Variants in KCNQ1OT1 observed in about 807,000 individuals in gnomAD.
KCNQ1OT1 encodes the protein KCNQ1 opposite strand/antisense transcript 1, also known as KCNQ1 antisense RNA 2 (non-protein coding).
chr11:2,649,107 A>G, exon 1 of KCNQ1OT1: 1 of 395,008 alleles, frequency 2.5e-6, no homozygotes, highest in Non-Finnish European at 4.4e-6. Context: ...GTGTCTTTAC[A>G]GGTGAAGTCA....
In KCNQ1OT1 at chr11:2,695,492, A is replaced by G. The variant is rs1323261397; in HGVS notation, n.4503T>C. ...CGCGTCTCTATCTTGTGAAGTGTAC[A>G]TCTAGTCCCCTGCTCCTAACCACAG... is the stretch of plus-strand genomic sequence containing the variant. On this transcript the variant is annotated non_coding_transcript_exon_variant, in exon 1 of 1. Transcript: ENST00000597346. The surrounding 1 kb of genome is among the most constrained non-coding windows in gnomAD (Gnocchi z 5.2). The G allele has an allele frequency of 5.0e-6, 2 of 398,520 alleles. No homozygotes were observed. The highest frequency in any genetic ancestry group is 4.4e-5 in the Admixed American group (1 of 22,712). The allele number at this position is 398,520 out of a possible 1,614,324, so 24.7% of individuals were successfully genotyped here.
In KCNQ1OT1 at chr11:2,652,660, G is replaced by C; in HGVS notation, n.47335C>G. 2.5e-6 allele frequency: 1 copy of C among 398,748 alleles called. No homozygotes were observed. Among genetic ancestry groups the C allele is most frequent in the Non-Finnish European group, 4.4e-6 (1 of 226,200 alleles). 24.7% of individuals were successfully genotyped at this position (398,748 alleles called of 1,614,324 possible). ...GTGACTTCCTGCAGCATGGAGACCC[G>C]GGTGGGTCGATTTTAGTTGTGTGGG... On this transcript the variant is annotated non_coding_transcript_exon_variant, in exon 1 of 1. Transcript: ENST00000597346. This position sits in a 1 kb window ranked among gnomAD's most constrained non-coding sequence, Gnocchi z 5.9.
exon 1 of KCNQ1OT1, chr11:2,689,156 G>A (rs1020850497): frequency 2.5e-6 from 1 of 398,746 alleles, no homozygotes; most frequent in Non-Finnish European, 4.4e-6. Flanking sequence ...GCTACAGGTG[G>A]CTCAAGGGCC....
At position 2,695,795 on chromosome 11, in the gene KCNQ1OT1, G is replaced by A. The variant is rs766755851; in HGVS notation, n.4200C>T. On this transcript the variant is annotated non_coding_transcript_exon_variant, in exon 1 of 1. Coordinates refer to ENST00000597346, the Ensembl canonical transcript of KCNQ1OT1. The surrounding 1 kb of genome is among the most constrained non-coding windows in gnomAD (Gnocchi z 5.2). ...TCCTACTTTCTAATGCTTCTCCTAT[G>A]AAGAATAGCTGTTGCTTTCATTTAC... 2.5e-6 allele frequency: 1 copy of A among 398,630 alleles called. No homozygotes were observed. The highest frequency in any genetic ancestry group is 4.4e-6 in the Non-Finnish European group (1 of 226,074). The allele number at this position is 398,630 out of a possible 1,614,324, so 24.7% of individuals were successfully genotyped here.
chr11:2,677,888 C>G lies in KCNQ1OT1; in HGVS notation n.22107G>C, dbSNP rs932082985. The stretch of plus-strand genomic sequence containing the variant: ...ACTGCACAAATGCACTTTCTTCCCC[C>G]ACCCTTACCAAGTGTATACTCAGGT... On this transcript the variant is annotated non_coding_transcript_exon_variant, in exon 1 of 1. Transcript: ENST00000597346. This position sits in a 1 kb window ranked among gnomAD's most constrained non-coding sequence, Gnocchi z 4.5. 15 of 398,438 alleles carry G rather than the reference C, an allele frequency of 3.8e-5. No individual in the cohort carries two copies. Among genetic ancestry groups the G allele is most frequent in the South Asian group, 1.3e-4 (1 of 7,858 alleles). The allele number at this position is 398,438 out of a possible 1,614,324, so 24.7% of individuals were successfully genotyped here. A position where few individuals can be genotyped will look rare whatever the true frequency, so the allele number is the denominator to read the frequency against.
chr11:2,655,882 C>T (rs1187729271), exon 1 of KCNQ1OT1: 3 of 398,630 alleles, frequency 7.5e-6, no homozygotes, highest in African/African-American at 2.1e-5. Flanking sequence ...GCCTTCTCTG[C>T]CCCTTGTTAT....
Position 2,624,198 on chromosome 11 carries a change from G to A in KCNQ1OT1, n.75797C>T, listed in dbSNP as rs1194997189. On this transcript the variant is annotated non_coding_transcript_exon_variant, in exon 1 of 1. Coordinates refer to ENST00000597346, the Ensembl canonical transcript of KCNQ1OT1. This position sits in a 1 kb window ranked among gnomAD's most constrained non-coding sequence, Gnocchi z 4.9. ...TGTGGGGCATCTTTTCATATACTTA[G>A]TTGCCATCTGTATATCTTCATTGGT... 1 of 398,310 alleles carries A rather than the reference G, an allele frequency of 2.5e-6. No homozygotes were observed. Among genetic ancestry groups the A allele is most frequent in the African/African-American group, 2.1e-5 (1 of 48,548 alleles). The allele number at this position is 398,310 out of a possible 1,614,324, so 24.7% of individuals were successfully genotyped here. A position where few individuals can be genotyped will look rare whatever the true frequency, so the allele number is the denominator to read the frequency against.
exon 1 of KCNQ1OT1, chr11:2,628,027 C>G: frequency 1.0e-5 from 4 of 398,672 alleles, no homozygotes; most frequent in Admixed American, 4.4e-5. Context: ...ACTGGGATTA[C>G]AGGTACAAGC....
chr11:2,641,131 G>T, exon 1 of KCNQ1OT1: 1 of 398,402 alleles, frequency 2.5e-6, no homozygotes, highest in South Asian at 1.3e-4. Context: ...ATAAACACGG[G>T]GATGCAGGTA....
Position 2,673,659 on chromosome 11 carries a change from G to T in KCNQ1OT1, n.26336C>A, listed in dbSNP as rs1463250612. 2 of 398,638 alleles carry T rather than the reference G, an allele frequency of 5.0e-6. No homozygotes were observed. The highest frequency in any genetic ancestry group is 8.8e-6 in the Non-Finnish European group (2 of 226,166). 24.7% of individuals were successfully genotyped at this position (398,638 alleles called of 1,614,324 possible). On this transcript the variant is annotated non_coding_transcript_exon_variant, in exon 1 of 1. Coordinates refer to ENST00000597346, the Ensembl canonical transcript of KCNQ1OT1. The surrounding 1 kb of genome is among the most constrained non-coding windows in gnomAD (Gnocchi z 4.5). The stretch of plus-strand genomic sequence containing the variant: ...ATGACCACCCTGACTCATGTCCCTT[G>T]TCTGCATAGGTGTTTTCCTATAAAT...
At chr11:2,662,839 T>C (rs1384258149) in exon 1 of KCNQ1OT1, 19 of 398,848 alleles carry the variant, frequency 4.8e-5, no homozygotes, top group Non-Finnish European at 1.3e-5. Context: ...GGGTCACTTG[T>C]GGAAACTCTC....
exon 1 of KCNQ1OT1, chr11:2,644,308 A>G (rs1849631141): frequency 2.5e-6 from 1 of 398,224 alleles, no homozygotes; most frequent in Non-Finnish European, 4.4e-6. Flanking sequence ...GAGTCATTTC[A>G]AAAGACTTAT....
Position 2,645,848 on chromosome 11 carries a change from ATG to A in KCNQ1OT1, n.54145_54146del. ...CTGAAGTTGCCTGAGGATTCAGGGG[ATG>A]TGTGAATTGCCTGAGGATTCAGGGT... On this transcript the variant is annotated non_coding_transcript_exon_variant, in exon 1 of 1. Transcript: ENST00000597346. This position sits in a 1 kb window ranked among gnomAD's most constrained non-coding sequence, Gnocchi z 5.8. 2.5e-6 allele frequency: 1 copy of A among 398,518 alleles called. No homozygotes were observed. Among genetic ancestry groups the A allele is most frequent in the Non-Finnish European group, 4.4e-6 (1 of 226,114 alleles). The allele number at this position is 398,518 out of a possible 1,614,324, so 24.7% of individuals were successfully genotyped here. A position where few individuals can be genotyped will look rare whatever the true frequency, so the allele number is the denominator to read the frequency against.
exon 1 of KCNQ1OT1, chr11:2,686,031 C>A (rs960322170): frequency 5.0e-6 from 2 of 399,098 alleles, no homozygotes; most frequent in Non-Finnish European, 8.8e-6. Flanking sequence ...CTAAGCCCCG[C>A]CAGCTCGCAC....
rs1414667070 is a variant in KCNQ1OT1, at chr11:2,674,395, G to A, written n.25600C>T. ...TCCTGCTTAGGGAAGGTGCATGCGT[G>A]CGTGTGTGTGTGCGCGCCCGCGCGC... On this transcript the variant is annotated non_coding_transcript_exon_variant, in exon 1 of 1. Coordinates refer to ENST00000597346, the Ensembl canonical transcript of KCNQ1OT1. This position sits in a 1 kb window ranked among gnomAD's most constrained non-coding sequence, Gnocchi z 5.9. 1 of 398,498 alleles carries A rather than the reference G, an allele frequency of 2.5e-6. No individual in the cohort carries two copies. Among genetic ancestry groups the A allele is most frequent in the African/African-American group, 2.1e-5 (1 of 48,618 alleles). The allele number at this position is 398,498 out of a possible 1,614,324, so 24.7% of individuals were successfully genotyped here.
exon 1 of KCNQ1OT1, chr11:2,638,016 T>C (rs1849504833): frequency 6.6e-6 from 1 of 152,220 alleles, no homozygotes; most frequent in Non-Finnish European, 1.5e-5. Context: ...CCTTTTTTTA[T>C]TTTCCATTTG....
exon 1 of KCNQ1OT1, chr11:2,632,235 C>G (rs1849370291): frequency 2.9e-6 from 1 of 341,578 alleles, no homozygotes; most frequent in Non-Finnish European, 5.2e-6. Context: ...TACTGACTTA[C>G]TATCCTGCTA....
At position 2,687,956 on chromosome 11, in the gene KCNQ1OT1, C is replaced by G. The variant is rs955340553; in HGVS notation, n.12039G>C. 2.5e-6 allele frequency: 1 copy of G among 398,680 alleles called. No individual in the cohort carries two copies. The highest frequency in any genetic ancestry group is 2.1e-5 in the African/African-American group (1 of 48,650). 24.7% of individuals were successfully genotyped at this position (398,680 alleles called of 1,614,324 possible). On this transcript the variant is annotated non_coding_transcript_exon_variant, in exon 1 of 1. Coordinates refer to ENST00000597346, the Ensembl canonical transcript of KCNQ1OT1. The surrounding 1 kb of genome is among the most constrained non-coding windows in gnomAD (Gnocchi z 5.0). ...CTTCTCCCACCCGCTGTGGGTCAGC[C>G]AGGCCGCTGCTTCCTGCTTCCCTTT...
At position 2,641,208 on chromosome 11, in the gene KCNQ1OT1, C is replaced by T. The variant is rs144855882; in HGVS notation, n.58787G>A. ...CAGTAGTGAGATTGCTGGATTATGT[C>T]ATATTTCTCTTTTTAGGTTTTTCAG... On this transcript the variant is annotated non_coding_transcript_exon_variant, in exon 1 of 1. Transcript: ENST00000597346. 1,053 of 398,354 alleles carry T rather than the reference C, an allele frequency of 2.6e-3. 2 individuals carry two copies. Among genetic ancestry groups the T allele is most frequent in the Non-Finnish European group, 4.0e-3 (901 of 225,956 alleles). The allele number at this position is 398,354 out of a possible 1,614,324, so 24.7% of individuals were successfully genotyped here.
Sources: allele counts gnomAD v4.1 joint callset, GRCh38; gene constraint gnomAD v4.1.1; non-coding constraint Gnocchi (gnomAD v3.1); transcripts MANE v1.5; gene names NCBI Gene and HGNC (gene_info 2026-07-23, HGNC 2026-07-21).